Variants in NXPE2 observed in about 807,000 individuals in gnomAD.
The protein encoded by NXPE2 is neurexophilin and PC-esterase domain family member 2, also known as NXPE family member 2.
A neutral mutation model predicts 34.4 loss-of-function variants in NXPE2; 34 were observed. The ratio of observed to expected loss-of-function variants is 0.99; its 90% CI spans 0.75 to 1.31. The LOEUF is 1.31. Among genes scored for constraint, NXPE2 ranks in the 40% most tolerant of loss-of-function variants. The pLI is 0.00. For synonymous variants in NXPE2, 235 were observed against 231.3 expected (o/e 1.02, Z -0.15); for missense variants, 649 against 672.5 (o/e 0.97, Z 0.39).
At chr11:114,810,018 GCCCT>G in the NXPE2 span, among the ~76,000 whole-genome samples, 4,806 of 151,376 alleles carry the variant, frequency 0.032, 248 homozygotes, top group African/African-American at 0.11. Context: ...ACAGAACAGA[GCCCT>G]CAGAAATAAT....
the NXPE2 span, among the ~76,000 whole-genome samples, chr11:114,631,736 G>C: frequency 3.1e-4 from 47 of 151,286 alleles, no homozygotes; most frequent in Non-Finnish European, 4.6e-4. Context: ...GTATTGCCTC[G>C]TGGGTAACCA....
chr11:114,806,006 G>C, the NXPE2 span, among the ~76,000 whole-genome samples: 1 of 152,296 alleles, frequency 6.6e-6, no homozygotes, highest in East Asian at 1.9e-4. Context: ...ACTTTCAGAG[G>C]AACGATCAGG....
At chr11:114,512,116 G>A in the NXPE2 span, among the ~76,000 whole-genome samples, 1 of 152,114 alleles carries the variant, frequency 6.6e-6, no homozygotes, top group African/African-American at 2.4e-5. Flanking sequence ...TATAGTTGAT[G>A]CTATAGTTAG....
rs144690895 is a variant in NXPE2 at position 114,694,094 on chromosome 11, C to A, written c.133-3951C>A. ...AACATGGAGTGACATTGGTCTAAAT[C>A]TTTTTCACACTGCCATCTCTTTGGT... On this transcript the variant is annotated intron_variant, in intron 2 of 5. Coordinates refer to ENST00000389586, the MANE Select transcript of NXPE2 (RefSeq NM_182495.6). Among the ~76,000 whole-genome samples, 272 of 152,320 alleles carry A rather than the reference C, an allele frequency of 1.8e-3. 2 individuals are homozygous for A. Among genetic ancestry groups the A allele is most frequent in the Middle Eastern group, 0.01 (3 of 294 alleles).
chr11:114,679,247 C>T (rs961896243), intron 1 of NXPE2, among the ~76,000 whole-genome samples: 1 of 135,966 alleles, frequency 7.4e-6, no homozygotes, highest in Non-Finnish European at 1.6e-5. Context: ...CATGTGTGTG[C>T]GTGTGTGTGT....
the NXPE2 span, among the ~76,000 whole-genome samples, chr11:114,602,718 TATA>T: frequency 1.1e-5 from 1 of 92,126 alleles, no homozygotes; most frequent in Admixed American, 9.9e-5. Flanking sequence ...CAGAATCACA[TATA>T]ATTATCTCAT....
At chr11:114,798,022 G>T in the NXPE2 span, among the ~76,000 whole-genome samples, 1 of 152,218 alleles carries the variant, frequency 6.6e-6, no homozygotes, top group Non-Finnish European at 1.5e-5. Flanking sequence ...AGTTAAATTG[G>T]CTATCAGACT....
At chr11:114,594,747 T>C in the NXPE2 span, 10 of 1,550,872 alleles carry the variant, frequency 6.4e-6, no homozygotes. Flanking sequence ...TAATTTATCA[T>C]ACTTATTTTC....
At chr11:114,513,837 A>G in the NXPE2 span, among the ~76,000 whole-genome samples, 1 of 151,878 alleles carries the variant, frequency 6.6e-6, no homozygotes, top group Non-Finnish European at 1.5e-5. Flanking sequence ...ATAATGAAAA[A>G]ATTAACACTT....
At chr11:114,617,392 A>G in the NXPE2 span, among the ~76,000 whole-genome samples, 5 of 152,212 alleles carry the variant, frequency 3.3e-5, no homozygotes, top group African/African-American at 1.2e-4. Flanking sequence ...GGTAGATAAT[A>G]AGTATTGCCT....
the NXPE2 span, among the ~76,000 whole-genome samples, chr11:114,613,900 G>A: frequency 0.013 from 1,988 of 151,858 alleles, 22 homozygotes; most frequent in Non-Finnish European, 0.021. Flanking sequence ...GTGTTGCCTC[G>A]TGGGTAACCA....
the NXPE2 span, among the ~76,000 whole-genome samples, chr11:114,581,425 G>T: frequency 4.6e-3 from 701 of 152,290 alleles, 4 homozygotes; most frequent in African/African-American, 0.015. Context: ...GTGAGGTAAA[G>T]AAGTGGGTAT....
chr11:114,805,569 G>A, the NXPE2 span, among the ~76,000 whole-genome samples: 1 of 152,230 alleles, frequency 6.6e-6, no homozygotes, highest in Non-Finnish European at 1.5e-5. Context: ...AGGGTCCTAC[G>A]CCCACGGCGT....
the NXPE2 span, among the ~76,000 whole-genome samples, chr11:114,657,135 T>A: frequency 6.6e-6 from 1 of 152,078 alleles, no homozygotes; most frequent in Non-Finnish European, 1.5e-5. Flanking sequence ...TAGTTCCGGA[T>A]TGTACTATAC....
In NXPE2 at chr11:114,685,575, T is replaced by C. The variant is rs548894475; in HGVS notation, c.132+5813T>C. 4.3e-4 allele frequency among the ~76,000 whole-genome samples: 65 copies of C among 152,234 alleles called. 1 individual carries two copies. The South Asian group carries it at 0.01, about 24-fold the overall frequency. On this transcript the variant is annotated intron_variant, in intron 2 of 5. Transcript: ENST00000389586. ...CACAAATATTCTATCTATAGCAACA[T>C]TGGAGATTAGGTTACAACATGAATT...
the NXPE2 span, chr11:114,551,467 A>G: frequency 2.5e-6 from 3 of 1,187,354 alleles, no homozygotes; most frequent in Non-Finnish European, 2.1e-6. Context: ...AAGTCACCTT[A>G]TAGGTTCTCT....
the NXPE2 span, among the ~76,000 whole-genome samples, chr11:114,497,115 C>G: frequency 6.6e-6 from 1 of 152,004 alleles, no homozygotes; most frequent in Non-Finnish European, 1.5e-5. Flanking sequence ...AGATGACCCC[C>G]CCATGTTACT....
At chr11:114,802,397 C>T in the NXPE2 span, among the ~76,000 whole-genome samples, 13 of 152,284 alleles carry the variant, frequency 8.5e-5, no homozygotes, top group African/African-American at 2.2e-4. Flanking sequence ...AGTCTTCCTC[C>T]CAACTTAAGT....
chr11:114,520,457 A>T, the NXPE2 span, among the ~76,000 whole-genome samples: 2 of 152,192 alleles, frequency 1.3e-5, no homozygotes, highest in Admixed American at 1.3e-4. Context: ...CTCCTTTTGT[A>T]AGGCTGAATG....
Sources: allele counts gnomAD v4.1 joint callset (sites outside exome capture counted in the v4.1 genomes callset), GRCh38; gene constraint gnomAD v4.1.1; transcripts MANE v1.5; gene names NCBI Gene and HGNC (gene_info 2026-07-23, HGNC 2026-07-21).